The following MICU1 variants were observed in gnomAD, a reference collection of about 807,000 sequenced individuals.
MICU1 encodes the protein calcium uptake protein 1, mitochondrial.
MICU1 carries 45 observed loss-of-function variants against 56.8 expected under a neutral mutation model. The ratio of observed to expected loss-of-function variants is 0.79; its 90% CI spans 0.62 to 1.02. The LOEUF (loss-of-function observed/expected upper bound fraction) is 1.02. Ranked by LOEUF, MICU1 falls within the 50% of genes least tolerant of loss-of-function variation. MICU1 has a pLI of 0.00. For synonymous variants in MICU1, 186 were observed against 195.1 expected (o/e 0.95, Z 0.39); for missense variants, 504 against 587.1 (o/e 0.86, Z 1.46).
intron 1 of MICU1, among the ~76,000 whole-genome samples, chr10:72,571,871 T>C (rs947257322): frequency 6.6e-6 from 1 of 151,952 alleles, no homozygotes; most frequent in East Asian, 1.9e-4. Context: ...ATGGGCAACA[T>C]GGTAAAACCC....
At chr10:72,545,909 G>T (rs959116897) in intron 4 of MICU1, among the ~76,000 whole-genome samples, 4 of 152,210 alleles carry the variant, frequency 2.6e-5, no homozygotes, top group African/African-American at 9.7e-5. Flanking sequence ...CTGGAATGTG[G>T]TATCTTCTTG....
intron 11 of MICU1, among the ~76,000 whole-genome samples, chr10:72,371,669 G>A (rs1231470458): frequency 6.6e-6 from 1 of 152,096 alleles, no homozygotes. Context: ...GCTTGACCCC[G>A]GGAGGCAGAG....
intron 8 of MICU1, among the ~76,000 whole-genome samples, chr10:72,440,344 A>C (rs1864878835): frequency 6.6e-6 from 1 of 152,254 alleles, no homozygotes; most frequent in African/African-American, 2.4e-5. Context: ...CTGGCTAGCC[A>C]TATGTAGAAG....
At position 72,501,563 on chromosome 10, in the gene MICU1, T is replaced by A. The variant is rs543875831; in HGVS notation, c.652+6592A>T. Among the ~76,000 whole-genome samples, 14 of 152,254 alleles carry A rather than the reference T, an allele frequency of 9.2e-5. No individual in the cohort carries two copies. In the South Asian group the frequency reaches 2.7e-3, roughly 29 times the overall value. On this transcript the variant is annotated intron_variant, in intron 6 of 11. Transcript: ENST00000361114. Reference sequence around the variant, plus strand: ...AATTTATAATCAGTCATGCAGCTTATATTCTAGATTGGAAAATGGACAATA... The same window carrying A: ...AATTTATAATCAGTCATGCAGCTTAAATTCTAGATTGGAAAATGGACAATA...
At chr10:72,615,368 T>G (rs1841951594) in intron 1 of MICU1, among the ~76,000 whole-genome samples, 1 of 152,186 alleles carries the variant, frequency 6.6e-6, no homozygotes, top group African/African-American at 2.4e-5. Flanking sequence ...TCTTCCCGCC[T>G]TGGCCTCCCA....
chr10:72,474,612 C>T (rs1483490995), intron 8 of MICU1, among the ~76,000 whole-genome samples: 4 of 152,192 alleles, frequency 2.6e-5, no homozygotes, highest in Non-Finnish European at 4.4e-5. Context: ...CCACCTTAGC[C>T]TCCCGGGTAG....
chr10:72,564,156 T>C (rs1840367731), intron 2 of MICU1, among the ~76,000 whole-genome samples: 1 of 152,214 alleles, frequency 6.6e-6, no homozygotes, highest in African/African-American at 2.4e-5. Flanking sequence ...ATAATAGATC[T>C]GACTTCCTAC....
intron 1 of MICU1, among the ~76,000 whole-genome samples, chr10:72,615,136 G>A (rs966237751): frequency 6.6e-6 from 1 of 152,012 alleles, no homozygotes; most frequent in Non-Finnish European, 1.5e-5. Flanking sequence ...TTTTGAGATG[G>A]AGTCTCAGTC....
At chr10:72,459,392 T>C (rs1399378685) in intron 8 of MICU1, among the ~76,000 whole-genome samples, 1 of 152,178 alleles carries the variant, frequency 6.6e-6, no homozygotes, top group African/African-American at 2.4e-5. Flanking sequence ...ATTGATTAGT[T>C]TTTTGACAAA....
At chr10:72,394,894 T>C (rs1386179712) in intron 10 of MICU1, among the ~76,000 whole-genome samples, 1 of 151,904 alleles carries the variant, frequency 6.6e-6, no homozygotes, top group Non-Finnish European at 1.5e-5. Flanking sequence ...GAAACCTAAC[T>C]ATCTGGCCAG....
At chr10:72,460,200 C>T (rs1337577823) in intron 8 of MICU1, among the ~76,000 whole-genome samples, 2 of 152,192 alleles carry the variant, frequency 1.3e-5, no homozygotes, top group African/African-American at 4.8e-5. Context: ...CTGGCTACTG[C>T]ATTTTGTTTT....
At chr10:72,376,208 G>T (rs1056940970) in intron 10 of MICU1, among the ~76,000 whole-genome samples, 13 of 151,920 alleles carry the variant, frequency 8.6e-5, no homozygotes, top group Non-Finnish European at 1.9e-4. Flanking sequence ...AACCCGAGAG[G>T]CGGAGGTTGC....
chr10:72,542,773 T>G (rs918850006), intron 4 of MICU1, among the ~76,000 whole-genome samples: 1 of 152,224 alleles, frequency 6.6e-6, no homozygotes, highest in Non-Finnish European at 1.5e-5. Context: ...GTATCTGCAT[T>G]TGTTGGCTCC....
intron 6 of MICU1, among the ~76,000 whole-genome samples, chr10:72,501,582 G>A (rs1589283474): frequency 6.6e-6 from 1 of 152,064 alleles, no homozygotes; most frequent in East Asian, 1.9e-4. Context: ...TTGGAAAATG[G>A]ACAATAACAG....
At chr10:72,411,362 C>G (rs1050164801) in intron 9 of MICU1, among the ~76,000 whole-genome samples, 20 of 151,274 alleles carry the variant, frequency 1.3e-4, no homozygotes, top group Non-Finnish European at 1.5e-5. Flanking sequence ...GAGTCTCGCT[C>G]TATCGCCCAG....
At chr10:72,510,808 T>C (rs918074234) in intron 5 of MICU1, among the ~76,000 whole-genome samples, 9 of 152,142 alleles carry the variant, frequency 5.9e-5, no homozygotes, top group Non-Finnish European at 1.0e-4. Context: ...AATTTTTGTA[T>C]TTTTAGTAGA....
At chr10:72,482,070 T>C (rs2038034389) in intron 6 of MICU1, among the ~76,000 whole-genome samples, 1 of 152,212 alleles carries the variant, frequency 6.6e-6, no homozygotes, top group Non-Finnish European at 1.5e-5. Context: ...AAACCATCTT[T>C]TTCTATGTGT....
intron 7 of MICU1, among the ~76,000 whole-genome samples, chr10:72,475,709 G>A (rs1230475446): frequency 3.9e-5 from 6 of 152,096 alleles, no homozygotes; most frequent in African/African-American, 1.4e-4. Context: ...GATTGCAGGA[G>A]TGAGCCACCG....
intron 6 of MICU1, among the ~76,000 whole-genome samples, chr10:72,502,161 T>TTG (rs200757489): frequency 3.5e-5 from 5 of 144,818 alleles, no homozygotes; most frequent in African/African-American, 1.3e-4. Flanking sequence ...TTTTTTTGTT[T>TTG]TTTTTTTTTT....
Sources: allele counts gnomAD v4.1 joint callset (sites outside exome capture counted in the v4.1 genomes callset), GRCh38; gene constraint gnomAD v4.1.1; transcripts MANE v1.5; gene names NCBI Gene and HGNC (gene_info 2026-07-23, HGNC 2026-07-21).